The following INSRR variants were observed in gnomAD, a reference collection of about 807,000 sequenced individuals.
The protein encoded by INSRR is insulin receptor-related protein.
In INSRR, 114 loss-of-function variants were observed where a neutral mutation model predicts 130.0. The observed-to-expected ratio is 0.88, with a 90% CI of 0.75 to 1.02. The LOEUF (loss-of-function observed/expected upper bound fraction) is 1.02, where lower values mean the gene tolerates loss of function less well. Among genes scored for constraint, INSRR ranks in the 50% least tolerant of loss-of-function variants. The pLI is 0.00. For missense variants in INSRR, 1,657 were observed against 1,735.2 expected (o/e 0.95, Z 0.80); for synonymous variants, 674 against 705.2 (o/e 0.96, Z 0.70).
intron 7 of INSRR, among the ~76,000 whole-genome samples, chr1:156,847,280 C>T (rs566727630): frequency 2.6e-5 from 4 of 152,308 alleles, no homozygotes; most frequent in Admixed American, 6.5e-5. Context: ...GCTTCTCAAA[C>T]ATGTCCATGA....
rs1033729297 is a variant in INSRR at position 156,854,615 on chromosome 1, G to A, written c.86-312C>T. On this transcript the variant is annotated intron_variant, in intron 1 of 21. Transcript: ENST00000368195. This position sits in a 1 kb window ranked among gnomAD's most constrained non-coding sequence, Gnocchi z 4.2. ...CCAACGACTGCAAGCGACTCCCAGC[G>A]ACTTCATTCTTGCAGTCACCCTTAA... Among the ~76,000 whole-genome samples, 4 of 152,294 alleles carry A rather than the reference G, an allele frequency of 2.6e-5. No homozygotes were observed. The highest frequency in any genetic ancestry group is 1.9e-4 in the East Asian group (1 of 5,184).
At chr1:156,842,928 T>A (rs1204751792) in intron 17 of INSRR, 76 bp downstream of exon 17, 1 of 1,177,302 alleles carries the variant, frequency 8.5e-7, no homozygotes, top group Non-Finnish European at 1.2e-6. Context: ...CCTAACCTCA[T>A]CTCTGACCCT....
Position 156,851,283 on chromosome 1 carries a change from C to T in INSRR, c.1229+7G>A. ...TAGAAGGAGCTGGTCAGAGGCCTAA[C>T]CCTTACCCATCCACCATGGCGTCTC... On this transcript the variant is annotated splice_region_variant and intron_variant, in intron 5 of 21. Transcript: ENST00000368195. The T allele has an allele frequency of 6.2e-7, 1 of 1,614,102 alleles. No individual in the cohort carries two copies. Among genetic ancestry groups the T allele is most frequent in the Non-Finnish European group, 8.5e-7 (1 of 1,180,006 alleles).
At chr1:156,849,217 G>A (rs1346171373) in intron 6 of INSRR, 29 bp downstream of exon 6, 1 of 1,610,916 alleles carries the variant, frequency 6.2e-7, no homozygotes, top group African/African-American at 1.3e-5. Flanking sequence ...GTGGCCGCGT[G>A]TCCACCGGCA....
chr1:156,852,813 C>T (rs927428543), intron 2 of INSRR, among the ~76,000 whole-genome samples: 3 of 152,136 alleles, frequency 2.0e-5, no homozygotes, highest in Admixed American at 6.5e-5. Context: ...TGAGAGGATG[C>T]GCAGCAGCTG....
intron 2 of INSRR, among the ~76,000 whole-genome samples, chr1:156,853,271 T>G (rs1655291042): frequency 6.6e-6 from 1 of 152,198 alleles, no homozygotes; most frequent in Non-Finnish European, 1.5e-5. Context: ...AACATAGAAC[T>G]GCTACCATGA....
chr1:156,843,370 C>G, intron 16 of INSRR, 57 bp downstream of exon 16: 3 of 1,593,252 alleles, frequency 1.9e-6, no homozygotes, highest in Non-Finnish European at 2.6e-6. Flanking sequence ...AAGTCTGTCT[C>G]TGCTCCTCTC....
In INSRR at chr1:156,846,648, T is replaced by A. The variant is rs1571663022; in HGVS notation, c.1681A>T (p.Thr561Ser). The A allele has an allele frequency of 6.2e-7, 1 of 1,614,114 alleles. No homozygotes were observed. The highest frequency in any genetic ancestry group is 8.5e-7 in the Non-Finnish European group (1 of 1,180,008). ...PLSRTQEPGV[T>S]LASLKPWTQY... The stretch of plus-strand genomic sequence containing the variant: ...GTCCAAGGCTTGAGGGAGGCTAGGG[T>A]CACCCCTGGCTCCTGGGTGCGGCTT... Residue 561 changes from threonine to serine, a missense_variant, in exon 8 of 22, where the codon ACC (threonine) becomes TCC (serine). Thr to Ser is a moderately conservative substitution (Grantham distance 58). Coordinates refer to ENST00000368195, the MANE Select transcript of INSRR (RefSeq NM_014215.3).
intron 1 of INSRR, 51 bp downstream of exon 1, chr1:156,858,486 C>T (rs1395710537): frequency 4.7e-6 from 7 of 1,486,396 alleles, no homozygotes; most frequent in Middle Eastern, 3.4e-4. Flanking sequence ...TTTGGCCTCC[C>T]AGCTGGCTGG....
intron 12 of INSRR, 115 bp from the exon 13 acceptor site, chr1:156,844,958 A>C: frequency 6.4e-7 from 1 of 1,551,936 alleles, no homozygotes; most frequent in South Asian, 1.2e-5. Context: ...GATTATGGGA[A>C]CTGAGAGGGG....
chr1:156,847,375 G>A (rs1260182478), intron 7 of INSRR, among the ~76,000 whole-genome samples: 3 of 152,242 alleles, frequency 2.0e-5, no homozygotes, highest in Non-Finnish European at 4.4e-5. Flanking sequence ...CAGTTTCGGG[G>A]CAGGGCTTGG....
Position 156,854,165 on chromosome 1 carries a change from C to A in INSRR, c.224G>T (p.Arg75Leu). The A allele has an allele frequency of 6.2e-7, 1 of 1,614,106 alleles. No homozygotes were observed. The change falls in exon 2 of 22, where the codon CGC (arginine) becomes CTC (leucine). Residue 75 changes from arginine to leucine, a missense_variant. Coordinates refer to ENST00000368195, the MANE Select transcript of INSRR (RefSeq NM_014215.3). This position sits in a 1 kb window ranked among gnomAD's most constrained non-coding sequence, Gnocchi z 4.2. ...GEDFRGLSFP[R>L]LTQVTDYLLL... ...CAGGTAGTCGGTGACCTGGGTGAGG[C>A]GAGGGAAGCTGAGGCCGCGGAAGTC... is the stretch of plus-strand genomic sequence containing the variant.
At position 156,848,915 on chromosome 1, in the gene INSRR, A is replaced by G. The variant is rs994807177; in HGVS notation, c.1571+6T>C. The G allele has an allele frequency of 1.2e-5, 19 of 1,556,734 alleles. No homozygotes were observed. Among genetic ancestry groups the G allele is most frequent in the Admixed American group, 3.8e-5 (2 of 51,974 alleles). On this transcript the variant is annotated splice_donor_region_variant and intron_variant, in intron 7 of 21. Coordinates refer to ENST00000368195, the MANE Select transcript of INSRR (RefSeq NM_014215.3). ...CCCCCGCTCCGGCCCCGCCCCCGGC[A>G]CTCACGACTCCTTGTAGTACACGAT...
chr1:156,847,002 T>C (rs367755927), intron 7 of INSRR, among the ~76,000 whole-genome samples: 35 of 152,312 alleles, frequency 2.3e-4, no homozygotes, highest in African/African-American at 7.7e-4. Context: ...CAAGTTCTAG[T>C]TTCAATGAAT....
At chr1:156,853,710 C>T (rs1467764908) in intron 2 of INSRR, 42 bp downstream of exon 2, 1 of 1,554,702 alleles carries the variant, frequency 6.4e-7, no homozygotes. Context: ...TGTGACCCTG[C>T]TCTCTCCCTT....
chr1:156,850,713 C>A (rs185519487), intron 5 of INSRR, among the ~76,000 whole-genome samples: 1 of 151,608 alleles, frequency 6.6e-6, no homozygotes, highest in African/African-American at 2.4e-5. Context: ...TGCCACCATG[C>A]CCATCTACTT....
Position 156,843,468 on chromosome 1 carries a change from AG to A in INSRR, c.2854del (p.Leu952CysfsTer5), listed in dbSNP as rs1474865653. 6.2e-7 allele frequency: 1 copy of A among 1,614,196 alleles called. No individual in the cohort carries two copies. Among genetic ancestry groups the A allele is most frequent in the Non-Finnish European group, 8.5e-7 (1 of 1,180,028 alleles). On this transcript the variant is annotated frameshift_variant, in exon 16 of 22. Coordinates refer to ENST00000368195, the MANE Select transcript of INSRR (RefSeq NM_014215.3). LOFTEE classifies it high-confidence loss of function. Reference protein sequence around the residue: ...FFYGKKRNRTLYASVNPEYFS... With the variant: ...FFYGKKRNRTXYASVNPEYFS... The stretch of plus-strand genomic sequence containing the variant: ...GTACTCTGGATTCACAGAAGCATAC[AG>A]GGTTCTGTTTCTGCAACGGGAGGTG...
Position 156,840,864 on chromosome 1 carries a change from A to G in INSRR, c.*9T>C. On this transcript the variant is annotated 3_prime_UTR_variant, in exon 22 of 22. Coordinates refer to ENST00000368195, the MANE Select transcript of INSRR (RefSeq NM_014215.3). ...CCCATGGGAGGCCAGCCAGGGAATGAGGTGCCCCTCAGTGCCCTGGACCCC... is the reference window on the plus strand; with the variant it reads ...CCCATGGGAGGCCAGCCAGGGAATGGGGTGCCCCTCAGTGCCCTGGACCCC... 6.3e-7 allele frequency: 1 copy of G among 1,598,368 alleles called. No individual in the cohort carries two copies. Among genetic ancestry groups the G allele is most frequent in the Non-Finnish European group, 8.6e-7 (1 of 1,166,884 alleles).
chr1:156,849,771 G>C (rs752284077), intron 5 of INSRR, among the ~76,000 whole-genome samples: 1 of 151,976 alleles, frequency 6.6e-6, no homozygotes, highest in Non-Finnish European at 1.5e-5. Flanking sequence ...CCAGACTCTG[G>C]AGGCTTTGGA....
Sources: gnomAD v4.1 joint callset for allele counts (sites outside exome capture counted in the v4.1 genomes callset) on GRCh38, gnomAD v4.1.1 for gene constraint, Gnocchi (gnomAD v3.1) non-coding constraint, MANE v1.5 for transcripts, NCBI Gene and HGNC (gene_info 2026-07-23, HGNC 2026-07-21) for gene names.